Variants in ASCC1 observed in about 807,000 individuals in gnomAD.
ASCC1 encodes the protein activating signal cointegrator 1 complex subunit 1.
Under a neutral mutation model 46.6 loss-of-function variants are expected in ASCC1, and 35 were observed. The ratio of observed to expected loss-of-function variants is 0.75; its 90% CI spans 0.57 to 0.99. ASCC1 has a LOEUF of 0.99. Ranked by LOEUF, ASCC1 falls within the 50% of genes least tolerant of loss-of-function variation. The probability of loss-of-function intolerance (pLI) is 0.00; values close to 1 mark genes in which losing one functional copy is unlikely to be tolerated. For missense variants in ASCC1, 376 were observed against 428.7 expected, an observed-to-expected ratio of 0.88 and a Z score of 1.09; for synonymous variants, 143 against 146.6, an observed-to-expected ratio of 0.98 and a Z score of 0.18.
At chr10:72,192,995 G>A (rs1010338972) in intron 5 of ASCC1, among the ~76,000 whole-genome samples, 2 of 152,216 alleles carry the variant, frequency 1.3e-5, no homozygotes, top group Non-Finnish European at 2.9e-5. Flanking sequence ...AAATGCTAGT[G>A]AGGATGGAGA....
At chr10:72,193,503 C>T (rs12098424) in intron 5 of ASCC1, among the ~76,000 whole-genome samples, 2 of 151,218 alleles carry the variant, frequency 1.3e-5, no homozygotes, top group Non-Finnish European at 2.9e-5. Context: ...GATAAAACTA[C>T]GGTGAAGAAG....
At chr10:72,166,290 A>C (rs1315562330) in intron 5 of ASCC1, among the ~76,000 whole-genome samples, 1 of 152,170 alleles carries the variant, frequency 6.6e-6, no homozygotes, top group Non-Finnish European at 1.5e-5. Flanking sequence ...AATTCTATCA[A>C]AGGAAAGTGG....
chr10:72,142,365 C>CT (rs71018255), intron 7 of ASCC1, among the ~76,000 whole-genome samples: 15,492 of 137,052 alleles, frequency 0.11, 1,733 homozygotes, highest in African/African-American at 0.29. Context: ...GCAGATTTCA[C>CT]TTTTTTTTTT....
intron 9 of ASCC1, among the ~76,000 whole-genome samples, chr10:72,101,286 A>C (rs1459216278): frequency 6.6e-6 from 1 of 152,148 alleles, no homozygotes; most frequent in Non-Finnish European, 1.5e-5. Context: ...TGTATGTTCT[A>C]CTTTAATGAA....
chr10:72,133,522 G>T, intron 7 of ASCC1: 1 of 281,186 alleles, frequency 3.6e-6, no homozygotes, highest in Non-Finnish European at 6.9e-6. Flanking sequence ...AGGGAAGGAG[G>T]GGCACTTCAA....
Position 72,133,050 on chromosome 10 carries a change from G to C in ASCC1, c.871+7C>G, listed in dbSNP as rs374955301. The C allele has an allele frequency of 2.5e-6, 4 of 1,613,962 alleles. No individual in the cohort carries two copies. Among genetic ancestry groups the C allele is most frequent in the East Asian group, 2.2e-5 (1 of 44,888 alleles). On this transcript the variant is annotated splice_region_variant and intron_variant, in intron 8 of 9. Coordinates refer to ENST00000672957, the MANE Select transcript of ASCC1 (RefSeq NM_001198800.3). Reference sequence around the variant, plus strand: ...CAAACTGTGCTATAGTTCTCTGGGGGACTTACCATTGGGGTCTTTCCTGAA... The same window carrying C: ...CAAACTGTGCTATAGTTCTCTGGGGCACTTACCATTGGGGTCTTTCCTGAA...
chr10:72,203,942 A>AC (rs1170781333), intron 3 of ASCC1, among the ~76,000 whole-genome samples: 1 of 151,840 alleles, frequency 6.6e-6, no homozygotes, highest in East Asian at 1.9e-4. Context: ...ACAGAGTAAG[A>AC]CCCCGTCTCT....
chr10:72,161,302 A>C (rs1384022232), intron 6 of ASCC1, among the ~76,000 whole-genome samples: 1 of 152,196 alleles, frequency 6.6e-6, no homozygotes, highest in Non-Finnish European at 1.5e-5. Context: ...AAAGATGTTA[A>C]TGTCCCACTC....
intron 9 of ASCC1, among the ~76,000 whole-genome samples, chr10:72,115,807 T>C (rs1206765963): frequency 1.3e-5 from 2 of 152,186 alleles, no homozygotes; most frequent in Non-Finnish European, 2.9e-5. Context: ...ATAGTGTTTA[T>C]TCAGACTAGA....
intron 9 of ASCC1, among the ~76,000 whole-genome samples, chr10:72,117,309 G>A (rs1843606622): frequency 6.6e-6 from 1 of 152,142 alleles, no homozygotes; most frequent in Admixed American, 6.5e-5. Context: ...AAAGTTCCCT[G>A]GAGGAATATT....
intron 5 of ASCC1, among the ~76,000 whole-genome samples, chr10:72,187,374 C>A (rs1488499010): frequency 1.3e-5 from 2 of 151,894 alleles, no homozygotes; most frequent in Non-Finnish European, 2.9e-5. Context: ...GAGGCCGAGG[C>A]GGGTGGATCA....
At chr10:72,121,018 T>C (rs1046856586) in intron 9 of ASCC1, among the ~76,000 whole-genome samples, 3 of 152,158 alleles carry the variant, frequency 2.0e-5, no homozygotes, top group Admixed American at 6.5e-5. Flanking sequence ...AATCCAACTA[T>C]ATTAATCAAT....
At chr10:72,216,650 C>G (rs575277372), upstream of ASCC1, among the ~76,000 whole-genome samples, 1 of 151,922 alleles carries the variant, frequency 6.6e-6, no homozygotes, top group Non-Finnish European at 1.5e-5. Context: ...AGAAAATAGG[C>G]ATATATCTGT....
At chr10:72,137,861 CTTCTTCT>C (rs1234478763) in intron 7 of ASCC1, among the ~76,000 whole-genome samples, 3 of 151,894 alleles carry the variant, frequency 2.0e-5, no homozygotes, top group African/African-American at 4.8e-5. Context: ...AATATTTCTT[CTTCTTCT>C]TTTTTTTTTT....
rs1209725282 is a variant in ASCC1 at position 72,097,593 on chromosome 10, T to A, written c.958-143A>T. On this transcript the variant is annotated intron_variant, in intron 9 of 9. Coordinates refer to ENST00000672957, the MANE Select transcript of ASCC1 (RefSeq NM_001198800.3). ...TTTTCTTTTCAGTGTTTACTCTGAA[T>A]AATGATCCAGGAGAGGAGGGATGGG... 4 of 604,538 alleles carry A rather than the reference T, an allele frequency of 6.6e-6. No homozygotes were observed. The Admixed American group carries it at 7.3e-5, about 11-fold the overall frequency. The allele number at this position is 604,538 out of a possible 1,614,324, so 37.4% of individuals were successfully genotyped here. A position where few individuals can be genotyped will look rare whatever the true frequency, so the allele number is the denominator to read the frequency against.
chr10:72,168,258 GAAC>G (rs757338127), intron 5 of ASCC1, among the ~76,000 whole-genome samples: 6 of 152,112 alleles, frequency 3.9e-5, no homozygotes, highest in African/African-American at 1.2e-4. Flanking sequence ...AAATGCTATT[GAAC>G]AATAGGCAAA....
intron 2 of ASCC1, chr10:72,212,092 G>A (rs150583612): frequency 6.5e-6 from 1 of 153,342 alleles, no homozygotes; most frequent in African/African-American, 2.4e-5. Flanking sequence ...GCTGAGGCAG[G>A]AGAATTGCTT....
At chr10:72,191,423 G>T (rs926757490) in intron 5 of ASCC1, among the ~76,000 whole-genome samples, 12 of 151,508 alleles carry the variant, frequency 7.9e-5, no homozygotes, top group African/African-American at 2.9e-4. Flanking sequence ...TTATTAGGGA[G>T]TTATATATCA....
At chr10:72,207,982 ATTTTT>A (rs930915805) in intron 3 of ASCC1, among the ~76,000 whole-genome samples, 2 of 151,462 alleles carry the variant, frequency 1.3e-5, no homozygotes, top group Admixed American at 6.6e-5. Context: ...TGGCTAATTT[ATTTTT>A]TTTATTTTTA....
Sources: allele counts gnomAD v4.1 joint callset (sites outside exome capture counted in the v4.1 genomes callset), GRCh38; gene constraint gnomAD v4.1.1; transcripts MANE v1.5; gene names NCBI Gene and HGNC (gene_info 2026-07-23, HGNC 2026-07-21).